The following SLC25A26 variants were observed in gnomAD, a reference collection of about 807,000 sequenced individuals.
SLC25A26 encodes mitochondrial S-adenosylmethionine carrier protein.
SLC25A26 carries 36 observed loss-of-function variants against 37.8 expected under a neutral mutation model. That is an observed-to-expected ratio of 0.95 (90% CI 0.73 to 1.26). SLC25A26 has a LOEUF of 1.26. SLC25A26 is among the 50% of genes most tolerant of loss of function. The pLI is 0.00. For synonymous variants in SLC25A26, 129 were observed against 122.5 expected, an observed-to-expected ratio of 1.05 and a Z score of -0.35; for missense variants, 390 against 331.1, an observed-to-expected ratio of 1.18 and a Z score of -1.38.
At chr3:66,360,576 T>G (rs1324913779) in intron 6 of SLC25A26, among the ~76,000 whole-genome samples, 4 of 152,168 alleles carry the variant, frequency 2.6e-5, no homozygotes, top group African/African-American at 9.7e-5. Flanking sequence ...AAAAATCAAT[T>G]GTGTTGATAA....
intron 5 of SLC25A26, among the ~76,000 whole-genome samples, chr3:66,289,259 C>A (rs2074621495): frequency 6.6e-6 from 1 of 152,024 alleles, no homozygotes; most frequent in African/African-American, 2.4e-5. Context: ...AAAATTTTCT[C>A]CTATTCTGTA....
At chr3:66,315,288 C>G (rs563024322) in intron 5 of SLC25A26, among the ~76,000 whole-genome samples, 60 of 152,156 alleles carry the variant, frequency 3.9e-4, no homozygotes, top group African/African-American at 1.4e-3. Context: ...CATAATGCTG[C>G]AAATCTGTGT....
intron 1 of SLC25A26, among the ~76,000 whole-genome samples, chr3:66,156,196 T>G (rs2070280591): frequency 6.6e-6 from 1 of 152,208 alleles, no homozygotes; most frequent in Non-Finnish European, 1.5e-5. Context: ...GGCACAGTGC[T>G]GAGCACTGGG....
intron 1 of SLC25A26, among the ~76,000 whole-genome samples, chr3:66,170,073 G>A (rs940904075): frequency 5.9e-5 from 9 of 152,206 alleles, no homozygotes; most frequent in Admixed American, 2.6e-4. Context: ...TTGCAAGCTC[G>A]GGCACCCTGC....
chr3:66,324,016 A>G (rs1232323406), intron 5 of SLC25A26: 1 of 152,328 alleles, frequency 6.6e-6, no homozygotes, highest in African/African-American at 2.4e-5. Context: ...AAGGACCACC[A>G]TGTTGCCTAA....
Position 66,369,655 on chromosome 3 carries a change from C to T in SLC25A26, c.633+113C>T, listed in dbSNP as rs1452049829. ...GGCTACCATTTACCTGTAATAGCAT[C>T]TTATGCTGCCTGTGCAACCTCTAAC... On this transcript the variant is annotated intron_variant, in intron 8 of 9. Coordinates refer to ENST00000354883, the MANE Select transcript of SLC25A26 (RefSeq NM_001379210.1). 4.6e-5 allele frequency: 40 copies of T among 861,954 alleles called. No individual in the cohort carries two copies. The East Asian group carries it at 1.0e-3, about 22-fold the overall frequency. The allele number at this position is 861,954 out of a possible 1,614,324, so 53.4% of individuals were successfully genotyped here.
chr3:66,307,547 C>CT (rs2075261605), intron 5 of SLC25A26, among the ~76,000 whole-genome samples: 1 of 152,138 alleles, frequency 6.6e-6, no homozygotes, highest in Admixed American at 6.5e-5. Flanking sequence ...GTTGCCGTTG[C>CT]TTTTGGTGTT....
intron 5 of SLC25A26, among the ~76,000 whole-genome samples, chr3:66,289,937 T>C (rs113361399): frequency 0.012 from 1,820 of 152,358 alleles, 36 homozygotes; most frequent in African/African-American, 0.041. Context: ...TTAATGATTC[T>C]TCTTATCCAT....
chr3:66,173,778 T>G (rs892842815), intron 1 of SLC25A26, among the ~76,000 whole-genome samples: 21 of 152,128 alleles, frequency 1.4e-4, no homozygotes, highest in East Asian at 7.7e-4. Flanking sequence ...GCTGGCTGGG[T>G]GCAGTGGCTC....
chr3:66,328,289 T>G (rs975103681), intron 5 of SLC25A26, among the ~76,000 whole-genome samples: 6 of 152,226 alleles, frequency 3.9e-5, no homozygotes, highest in Non-Finnish European at 8.8e-5. Context: ...TGTTTCTTTA[T>G]AGTTAGACTT....
intron 3 of SLC25A26, among the ~76,000 whole-genome samples, chr3:66,249,818 A>G (rs185650078): frequency 9.2e-5 from 14 of 152,342 alleles, no homozygotes; most frequent in Non-Finnish European, 1.9e-4. Context: ...TTGCTTGTAT[A>G]TAAAGATGAA....
intron 5 of SLC25A26, among the ~76,000 whole-genome samples, chr3:66,290,433 A>G (rs959197340): frequency 6.6e-6 from 1 of 152,340 alleles, no homozygotes. Flanking sequence ...GTCATTCAAT[A>G]TGATACAGGC....
At chr3:66,209,903 TA>T (rs2071258872) in intron 1 of SLC25A26, among the ~76,000 whole-genome samples, 421 of 16,602 alleles carry the variant, frequency 0.025, 18 homozygotes, top group Middle Eastern at 0.045. Context: ...TCTATTTATA[TA>T]TATATATATA....
At chr3:66,328,602 A>G (rs191737599) in intron 5 of SLC25A26, among the ~76,000 whole-genome samples, 4 of 152,320 alleles carry the variant, frequency 2.6e-5, no homozygotes, top group Non-Finnish European at 4.4e-5. Flanking sequence ...AAAGTCATCT[A>G]TATTAAAAGA....
chr3:66,151,887 C>CT (rs1559552424), intron 1 of SLC25A26, among the ~76,000 whole-genome samples: 2 of 152,178 alleles, frequency 1.3e-5, no homozygotes, highest in African/African-American at 4.8e-5. Context: ...TCCCCTCTCT[C>CT]TTTTTTTGCT....
chr3:66,269,663 A>G (rs763575985), intron 5 of SLC25A26, among the ~76,000 whole-genome samples: 32 of 152,160 alleles, frequency 2.1e-4, no homozygotes, highest in Non-Finnish European at 4.3e-4. Context: ...CTTCTGTTGC[A>G]TCTTTACTGT....
intron 5 of SLC25A26, among the ~76,000 whole-genome samples, chr3:66,345,479 G>C: frequency 6.8e-6 from 1 of 146,768 alleles, no homozygotes; most frequent in East Asian, 2.0e-4. Context: ...TCTGTCTTCT[G>C]TCCTCCTCCT....
intron 5 of SLC25A26, among the ~76,000 whole-genome samples, chr3:66,326,515 C>CA (rs1305931428): frequency 6.6e-6 from 1 of 152,180 alleles, no homozygotes; most frequent in Non-Finnish European, 1.5e-5. Context: ...GCAGCCAGGG[C>CA]AGGGATGCCA....
chr3:66,188,889 T>C (rs2106783569), intron 1 of SLC25A26, among the ~76,000 whole-genome samples: 1 of 152,118 alleles, frequency 6.6e-6, no homozygotes, highest in South Asian at 2.1e-4. Flanking sequence ...CCTTGACCTT[T>C]ACACCACCCT....
Sources: gnomAD v4.1 joint callset for allele counts (sites outside exome capture counted in the v4.1 genomes callset) on GRCh38, gnomAD v4.1.1 for gene constraint, MANE v1.5 for transcripts, NCBI Gene and HGNC (gene_info 2026-07-23, HGNC 2026-07-21) for gene names.